The following MRPS6 variants were observed in gnomAD, a reference collection of about 807,000 sequenced individuals.
MRPS6 encodes mitochondrial ribosomal protein S6.
A neutral mutation model predicts 13.1 loss-of-function variants in MRPS6; 6 were observed. The ratio of observed to expected loss-of-function variants is 0.46; its 90% CI spans 0.25 to 0.91. The LOEUF is 0.91. MRPS6 is among the 40% of genes least tolerant of loss of function. The pLI, the probability that MRPS6 is intolerant of heterozygous loss-of-function variation, is 0.18. For missense variants in MRPS6, 164 were observed against 155.6 expected (o/e 1.05, Z -0.29); for synonymous variants, 61 against 56.5 (o/e 1.08, Z -0.36).
intron 1 of MRPS6, among the ~76,000 whole-genome samples, chr21:34,089,550 G>T (rs919768074): frequency 6.6e-6 from 1 of 152,102 alleles, no homozygotes; most frequent in Non-Finnish European, 1.5e-5. Flanking sequence ...TATCTTGGGC[G>T]GAGTGTATAT....
chr21:34,106,184 C>T, intron 1 of MRPS6: 1 of 982,794 alleles, frequency 1.0e-6, no homozygotes, highest in Non-Finnish European at 1.2e-6. Flanking sequence ...GTATTTTGTC[C>T]TGTAACTGAA....
At chr21:34,085,276 A>G (rs921824431) in intron 1 of MRPS6, among the ~76,000 whole-genome samples, 8 of 152,208 alleles carry the variant, frequency 5.3e-5, no homozygotes, top group Admixed American at 3.9e-4. Context: ...CGTTTTCATG[A>G]TTAGAGTTAG....
chr21:34,135,707 T>C (rs1030682521), intron 2 of MRPS6: 5 of 397,232 alleles, frequency 1.3e-5, no homozygotes, highest in Non-Finnish European at 2.5e-5. Context: ...ATGATGGTGT[T>C]CACCAGGACC....
At chr21:34,088,101 A>C (rs568755948) in intron 1 of MRPS6, among the ~76,000 whole-genome samples, 2 of 152,238 alleles carry the variant, frequency 1.3e-5, no homozygotes, top group Non-Finnish European at 2.9e-5. Flanking sequence ...GTTGTCCATA[A>C]ATTTTACTGT....
intron 1 of MRPS6, chr21:34,122,323 TG>T (rs1474429208): frequency 6.6e-6 from 1 of 152,164 alleles, no homozygotes; most frequent in African/African-American, 2.4e-5. Context: ...TGCTTTATGG[TG>T]AGGTAAGGTC....
intron 1 of MRPS6, among the ~76,000 whole-genome samples, chr21:34,118,045 A>G (rs1979988357): frequency 6.6e-6 from 1 of 152,162 alleles, no homozygotes; most frequent in African/African-American, 2.4e-5. Flanking sequence ...TTTTTTCAAC[A>G]TTATTTTAAA....
chr21:34,073,781 C>A (rs553662649), intron 1 of MRPS6, 36 bp downstream of exon 1: 16 of 1,435,188 alleles, frequency 1.1e-5, no homozygotes, highest in Non-Finnish European at 1.5e-5. Flanking sequence ...TCTTCCCGCG[C>A]GGGCGCCCCC....
At chr21:34,082,700 G>GA (rs1291753234) in intron 1 of MRPS6, among the ~76,000 whole-genome samples, 2 of 152,142 alleles carry the variant, frequency 1.3e-5, no homozygotes, top group African/African-American at 2.4e-5. Context: ...CCATAAAATA[G>GA]AAGCCAAGTT....
chr21:34,123,628 T>C (rs1452997986), intron 1 of MRPS6: 7 of 152,192 alleles, frequency 4.6e-5, no homozygotes. Flanking sequence ...ATAGCTGTCA[T>C]CGTTGTTGCT....
intron 1 of MRPS6, among the ~76,000 whole-genome samples, chr21:34,079,143 T>C (rs1262900501): frequency 6.6e-6 from 1 of 152,186 alleles, no homozygotes; most frequent in African/African-American, 2.4e-5. Flanking sequence ...GTCACCTATA[T>C]TTTTGTGGCT....
intron 1 of MRPS6, chr21:34,098,105 A>C (rs1979057783): frequency 6.0e-6 from 6 of 999,624 alleles, no homozygotes; most frequent in Non-Finnish European, 7.2e-6. Context: ...ATGGGGGAGA[A>C]AATGAAGTAA....
chr21:34,120,354 G>A (rs1310950342), intron 1 of MRPS6, among the ~76,000 whole-genome samples: 4 of 152,116 alleles, frequency 2.6e-5, no homozygotes, highest in Non-Finnish European at 5.9e-5. Flanking sequence ...TTTTCATACA[G>A]CTGTATATTT....
chr21:34,111,071 G>A (rs1979678744), intron 1 of MRPS6, among the ~76,000 whole-genome samples: 1 of 152,180 alleles, frequency 6.6e-6, no homozygotes, highest in African/African-American at 2.4e-5. Flanking sequence ...AAACAAGGGC[G>A]AAACATTGCC....
chr21:34,134,572 A>G (rs774845484), intron 2 of MRPS6, among the ~76,000 whole-genome samples: 9 of 152,234 alleles, frequency 5.9e-5, no homozygotes, highest in Non-Finnish European at 1.3e-4. Flanking sequence ...ACATATGTAT[A>G]CACTCACAGA....
At chr21:34,139,768 A>G (rs540825367) in intron 2 of MRPS6, among the ~76,000 whole-genome samples, 1 of 152,232 alleles carries the variant, frequency 6.6e-6, no homozygotes, top group South Asian at 2.1e-4. Context: ...TGTGGAGATG[A>G]GGCTTCACCA....
intron 2 of MRPS6, among the ~76,000 whole-genome samples, chr21:34,128,499 T>G (rs1980387248): frequency 6.6e-6 from 1 of 152,174 alleles, no homozygotes; most frequent in African/African-American, 2.4e-5. Flanking sequence ...ACTTTGGAAA[T>G]GATACCTGAT....
chr21:34,085,485 A>G (rs959944174), intron 1 of MRPS6, among the ~76,000 whole-genome samples: 8 of 152,174 alleles, frequency 5.3e-5, no homozygotes, highest in Non-Finnish European at 1.0e-4. Context: ...TTTTCCAACA[A>G]TCTGCATTGG....
Position 34,096,284 on chromosome 21 carries a change from C to T in MRPS6, c.45+22539C>T, listed in dbSNP as rs761576374. ...TGGTGATGAAGCTGGTTCCTGTGGG[C>T]CTTCGGGGTTTAATGATGGCAGTGA... On this transcript the variant is annotated intron_variant, in intron 1 of 2. Transcript: ENST00000399312. The surrounding 1 kb of genome is among the most constrained non-coding windows in gnomAD (Gnocchi z 5.9). 8 of 1,614,112 alleles carry T rather than the reference C, an allele frequency of 5.0e-6. No individual in the cohort carries two copies. Among genetic ancestry groups the T allele is most frequent in the Non-Finnish European group, 6.8e-6 (8 of 1,180,006 alleles).
Position 34,142,556 on chromosome 21 carries a change from C to T in MRPS6, c.334C>T (p.Pro112Ser), listed in dbSNP as rs764160661. ...AGAATGTGAAGGGATTGTCCCAGTC[C>T]CACTCGCAGAAAAATTATATTCCAC... ...LKECEGIVPV[P>S]LAEKLYSTKK... Residue 112 changes from proline (P) to serine (S), a missense_variant, in exon 3 of 3, where the codon CCA becomes TCA. Physicochemically the swap from Pro to Ser is moderately conservative, Grantham distance 74. Coordinates refer to ENST00000399312, the MANE Select transcript of MRPS6 (RefSeq NM_032476.4). 1.9e-6 allele frequency: 3 copies of T among 1,607,014 alleles called. No homozygotes were observed. In the Admixed American group the frequency reaches 5.1e-5, roughly 28 times the overall value.
Sources: allele counts gnomAD v4.1 joint callset (sites outside exome capture counted in the v4.1 genomes callset), GRCh38; gene constraint gnomAD v4.1.1; non-coding constraint Gnocchi (gnomAD v3.1); transcripts MANE v1.5; gene names NCBI Gene and HGNC (gene_info 2026-07-23, HGNC 2026-07-21).